COMMD2: variants seen among roughly 807,000 people sequenced by gnomAD.
COMMD2 encodes the protein COMM domain containing 2.
Under a neutral mutation model 22.5 loss-of-function variants are expected in COMMD2, and 25 were observed. The ratio of observed to expected loss-of-function variants is 1.11; its 90% CI spans 0.81 to 1.55. The LOEUF is 1.55. Ranked by LOEUF, COMMD2 falls within the 40% of genes most tolerant of loss-of-function variation. The pLI, the probability that COMMD2 is intolerant of heterozygous loss-of-function variation, is 0.00. For synonymous variants in COMMD2, 98 were observed against 91.2 expected, an observed-to-expected ratio of 1.07 and a Z score of -0.42; for missense variants, 223 against 232.9, an observed-to-expected ratio of 0.96 and a Z score of 0.28.
rs1259488492 is a variant in COMMD2, at chr3:149,741,653, T to C, written c.468A>G (p.Gln156=). 2 of 1,614,058 alleles carry C rather than the reference T, an allele frequency of 1.2e-6. No homozygotes were observed. Among genetic ancestry groups the C allele is most frequent in the Non-Finnish European group, 1.7e-6 (2 of 1,179,986 alleles). ...GAACTTTGGTGTTGTGATCTCCATT[T>C]TGATTAAGGTGTAGCTTTATAGTCA... ...PAVTIKLHLN[Q]NGDHNTKVLQ... is the part of the protein sequence containing the mutation. Residue 156 remains glutamine (Q), a synonymous_variant, in exon 5 of 5, where the codon CAA becomes CAG. Coordinates refer to ENST00000473414, the MANE Select transcript of COMMD2 (RefSeq NM_016094.4).
At chr3:149,750,371 A>G (rs766521215) in intron 4 of COMMD2, 82 of 469,190 alleles carry the variant, frequency 1.7e-4, no homozygotes, top group Non-Finnish European at 3.2e-4. Context: ...TGACCTGTGC[A>G]CTTTTCTACA....
intron 2 of COMMD2, 138 bp from the exon 3 acceptor site, chr3:149,751,623 G>C (rs2108253918): frequency 2.9e-6 from 2 of 696,370 alleles, no homozygotes; most frequent in East Asian, 6.0e-5. Context: ...TTGGCCAGAG[G>C]CTCCTGCTCC....
chr3:149,743,765 A>T (rs1422151291), intron 4 of COMMD2, among the ~76,000 whole-genome samples: 2 of 152,218 alleles, frequency 1.3e-5, no homozygotes, highest in African/African-American at 4.8e-5. Flanking sequence ...AATTGAAAAC[A>T]GTACTTATTT....
rs756191730 is a variant in COMMD2 at position 149,752,306 on chromosome 3, G to C, written c.68-19C>G. 1.9e-6 allele frequency: 3 copies of C among 1,614,060 alleles called. No homozygotes were observed. The South Asian group carries it at 3.3e-5, about 18-fold the overall frequency. On this transcript the variant is annotated intron_variant, in intron 1 of 4. Coordinates refer to ENST00000473414, the MANE Select transcript of COMMD2 (RefSeq NM_016094.4). ...GCGACCACTGCAATGAAAGTCAGAA[G>C]GCTGTTGAGTGCCAGGCGCTGCCTT...
intron 2 of COMMD2, chr3:149,751,850 CA>C (rs1716541920): frequency 4.0e-6 from 1 of 247,246 alleles, no homozygotes; most frequent in African/African-American, 2.3e-5. Flanking sequence ...TTTTTTTTAG[CA>C]AAAGCGGATA....
intron 4 of COMMD2, among the ~76,000 whole-genome samples, chr3:149,746,552 A>G (rs1716374875): frequency 6.6e-6 from 1 of 151,950 alleles, no homozygotes; most frequent in Non-Finnish European, 1.5e-5. Context: ...CGGGCAGATC[A>G]CAAGATCAGG....
chr3:149,741,974 T>C (rs1199594016), intron 4 of COMMD2, among the ~76,000 whole-genome samples: 2 of 151,962 alleles, frequency 1.3e-5, no homozygotes, highest in Admixed American at 1.3e-4. Context: ...TTAACTACAT[T>C]AAAACTCAAT....
At chr3:149,746,381 G>A (rs1038454375) in intron 4 of COMMD2, among the ~76,000 whole-genome samples, 9 of 152,300 alleles carry the variant, frequency 5.9e-5, no homozygotes, top group Admixed American at 4.6e-4. Flanking sequence ...CGTACTATCT[G>A]AGATGGGAGA....
At chr3:149,745,476 A>G (rs1716344055) in intron 4 of COMMD2, among the ~76,000 whole-genome samples, 1 of 152,190 alleles carries the variant, frequency 6.6e-6, no homozygotes, top group African/African-American at 2.4e-5. Flanking sequence ...TCCTGCGTTC[A>G]TGCCTATTAA....
Position 149,741,709 on chromosome 3 carries a change from T to A in COMMD2, c.412A>T (p.Arg138Ter). 1 of 1,613,084 alleles carries A rather than the reference T, an allele frequency of 6.2e-7. No individual in the cohort carries two copies. Among genetic ancestry groups the A allele is most frequent in the Non-Finnish European group, 8.5e-7 (1 of 1,179,152 alleles). Reference sequence around the variant, plus strand: ...GGTTTAATCTGTTGCCTGAGACTTCTACTTGCAAGCTTGATTTTAAATGAA... The same window carrying A: ...GGTTTAATCTGTTGCCTGAGACTTCAACTTGCAAGCTTGATTTTAAATGAA... ...EWRLDVQLAS[R>*]SLRQQIKPAV... The change falls in exon 5 of 5, where the codon AGA becomes TGA. Residue 138 changes from arginine to a stop codon, truncating the protein, a stop_gained. Coordinates refer to ENST00000473414, the MANE Select transcript of COMMD2 (RefSeq NM_016094.4). LOFTEE classifies it high-confidence loss of function.
At chr3:149,750,559 T>C (rs1716500621) in intron 4 of COMMD2, 119 bp downstream of exon 4, 2 of 673,324 alleles carry the variant, frequency 3.0e-6, no homozygotes, top group Non-Finnish European at 4.9e-6. Flanking sequence ...AAAATGAACA[T>C]TAAAAAAACA....
intron 4 of COMMD2, among the ~76,000 whole-genome samples, chr3:149,745,051 A>C (rs1210753388): frequency 6.6e-6 from 1 of 152,232 alleles, no homozygotes; most frequent in African/African-American, 2.4e-5. Context: ...GGACCCCAAA[A>C]GTCAGGGGAC....
rs1035763815 is a variant in COMMD2 at position 149,751,254 on chromosome 3, T to C, written c.228+149A>G. 3 of 1,265,070 alleles carry C rather than the reference T, an allele frequency of 2.4e-6. No homozygotes were observed. The African/African-American group carries it at 4.6e-5, about 19-fold the overall frequency. The allele number at this position is 1,265,070 out of a possible 1,614,324, so 78.4% of individuals were successfully genotyped here. On this transcript the variant is annotated intron_variant, in intron 3 of 4. Coordinates refer to ENST00000473414, the MANE Select transcript of COMMD2 (RefSeq NM_016094.4). ...TCATATCAGCAGATGATATGATTTT[T>C]ATTTTTTAGGTATGTCTTCAAAAAA...
chr3:149,751,993 C>T, intron 2 of COMMD2: 1 of 511,212 alleles, frequency 2.0e-6, no homozygotes, highest in South Asian at 3.1e-5. Flanking sequence ...GTACATTTTA[C>T]CATGAGAAAA....
chr3:149,751,403 C>T lies in COMMD2; in HGVS notation c.228G>A (p.Met76Ile). ...CAAAACAGTCCAGAAAATCCCTTACCATGAGCTTTGAGCTCTCAGTGAGGA... is the reference window on the plus strand; with the variant it reads ...CAAAACAGTCCAGAAAATCCCTTACTATGAGCTTTGAGCTCTCAGTGAGGA... ...TYLLTESSKL[M>I]ISELDFQDSV... is the part of the protein sequence containing the mutation. The change falls in exon 3 of 5, where the codon ATG (methionine) becomes ATA (isoleucine). Residue 76 changes from methionine (M) to isoleucine (I), a missense_variant and splice_region_variant. Transcript: ENST00000473414. 1 of 1,614,044 alleles carries T rather than the reference C, an allele frequency of 6.2e-7. No homozygotes were observed. Among genetic ancestry groups the T allele is most frequent in the Non-Finnish European group, 8.5e-7 (1 of 1,179,938 alleles).
rs140280417 is a variant in COMMD2, at chr3:149,751,505, A to G, written c.146-20T>C. ...GTTTTCCTGAGAAAGAAAAGTAAAAACGAGCAAATAAATTACTACTGTAGT... is the reference window on the plus strand; with the variant it reads ...GTTTTCCTGAGAAAGAAAAGTAAAAGCGAGCAAATAAATTACTACTGTAGT... On this transcript the variant is annotated intron_variant, in intron 2 of 4. Transcript: ENST00000473414. The G allele has an allele frequency of 2.5e-3, 3,936 of 1,571,194 alleles. 14 individuals carry two copies. Among genetic ancestry groups the G allele is most frequent in the Non-Finnish European group, 3.0e-3 (3,471 of 1,157,260 alleles).
chr3:149,746,419 G>A (rs1249353372), intron 4 of COMMD2, among the ~76,000 whole-genome samples: 2 of 152,288 alleles, frequency 1.3e-5, no homozygotes, highest in East Asian at 3.9e-4. Flanking sequence ...TTTCAGTAGA[G>A]AGGGGGTGTA....
chr3:149,750,208 T>A, intron 4 of COMMD2: 1 of 192,426 alleles, frequency 5.2e-6, no homozygotes, highest in South Asian at 8.6e-5. Flanking sequence ...TATACAAAGT[T>A]AAAAGACAGG....
At position 149,741,373 on chromosome 3, in the gene COMMD2, T is replaced by C; in HGVS notation, c.*148A>G. On this transcript the variant is annotated 3_prime_UTR_variant, in exon 5 of 5. Coordinates refer to ENST00000473414, the MANE Select transcript of COMMD2 (RefSeq NM_016094.4). Reference sequence around the variant, plus strand: ...GAGCCACTGCACCCAGCTTAGCTTCTGATTATGACCTCAGTATCTTGGAAT... The same window carrying C: ...GAGCCACTGCACCCAGCTTAGCTTCCGATTATGACCTCAGTATCTTGGAAT... 1.4e-6 allele frequency: 1 copy of C among 712,174 alleles called. No individual in the cohort carries two copies. Among genetic ancestry groups the C allele is most frequent in the Non-Finnish European group, 2.3e-6 (1 of 435,546 alleles). The allele number at this position is 712,174 out of a possible 1,614,324, so 44.1% of individuals were successfully genotyped here.
Sources: gnomAD v4.1 joint callset for allele counts (sites outside exome capture counted in the v4.1 genomes callset) on GRCh38, gnomAD v4.1.1 for gene constraint, MANE v1.5 for transcripts, NCBI Gene and HGNC (gene_info 2026-07-23, HGNC 2026-07-21) for gene names.